Variants in ZNF704 observed in about 807,000 individuals in gnomAD.
ZNF704 encodes the protein zinc finger protein 704, also known as glucocorticoid induced gene 1.
Under a neutral mutation model 44.7 loss-of-function variants are expected in ZNF704, and 10 were observed. That is an observed-to-expected ratio of 0.22 (90% CI 0.14 to 0.38). ZNF704 has a LOEUF of 0.38. ZNF704 is among the 10% of genes least tolerant of loss of function. The pLI is 1.00. For synonymous variants in ZNF704, 211 were observed against 207.6 expected (o/e 1.02, Z -0.14); for missense variants, 390 against 545.5 (o/e 0.71, Z 2.84).
intron 1 of ZNF704, among the ~76,000 whole-genome samples, chr8:80,858,313 T>C (rs987305494): frequency 1.3e-5 from 2 of 152,236 alleles, no homozygotes; most frequent in East Asian, 3.8e-4. Context: ...TTAAAGGCTA[T>C]ACATTTCCCT....
At chr8:80,798,279 G>C (rs1419605117) in intron 2 of ZNF704, among the ~76,000 whole-genome samples, 1 of 150,328 alleles carries the variant, frequency 6.7e-6, no homozygotes, top group South Asian at 2.1e-4. Context: ...TTTTGAGATG[G>C]AGTTCTGCTC....
intron 2 of ZNF704, among the ~76,000 whole-genome samples, chr8:80,778,234 G>A (rs1807448666): frequency 6.6e-6 from 1 of 151,976 alleles, no homozygotes; most frequent in Non-Finnish European, 1.5e-5. Context: ...CATACATATG[G>A]CCAATAAGCA....
At chr8:80,801,780 A>T (rs529920217) in intron 2 of ZNF704, among the ~76,000 whole-genome samples, 1 of 152,286 alleles carries the variant, frequency 6.6e-6, no homozygotes, top group Admixed American at 6.5e-5. Context: ...AACCAAGAGC[A>T]AACAAACCCC....
chr8:80,805,113 G>A (rs1807967960), intron 2 of ZNF704, among the ~76,000 whole-genome samples: 1 of 152,102 alleles, frequency 6.6e-6, no homozygotes, highest in South Asian at 2.1e-4. Context: ...CAAGGACTAG[G>A]TACATAAAAC....
At chr8:80,819,717 A>G (rs1484216321) in intron 2 of ZNF704, among the ~76,000 whole-genome samples, 2 of 152,170 alleles carry the variant, frequency 1.3e-5, no homozygotes, top group Non-Finnish European at 2.9e-5. Context: ...AAATAACTTA[A>G]CATGTATTTA....
intron 7 of ZNF704, among the ~76,000 whole-genome samples, chr8:80,649,307 G>T (rs1427174315): frequency 1.3e-5 from 2 of 152,168 alleles, no homozygotes; most frequent in African/African-American, 4.8e-5. Flanking sequence ...GGAAGTGTCA[G>T]ATAGTGGGTG....
intron 1 of ZNF704, among the ~76,000 whole-genome samples, chr8:80,821,963 T>C (rs1375778927): frequency 6.6e-6 from 1 of 152,210 alleles, no homozygotes; most frequent in Non-Finnish European, 1.5e-5. Flanking sequence ...AACTCTTCAA[T>C]ATTTCAGTCT....
In ZNF704 at chr8:80,629,524, T is replaced by C. The variant is rs988881456; in HGVS notation, c.*11842A>G. ...CCACATTGTCAGATGAAGGAAAAGA[T>C]ATTTTTTCAGGCTGAGTAATGTAGT... On this transcript the variant is annotated 3_prime_UTR_variant, in exon 9 of 9. Coordinates refer to ENST00000327835, the MANE Select transcript of ZNF704 (RefSeq NM_001033723.3). 6.6e-6 allele frequency: 1 copy of C among 152,192 alleles called. No individual in the cohort carries two copies. The highest frequency in any genetic ancestry group is 2.4e-5 in the African/African-American group (1 of 41,446). The allele number at this position is 152,192 out of a possible 1,614,324, so 9.4% of individuals were successfully genotyped here. A position where few individuals can be genotyped will look rare whatever the true frequency, so the allele number is the denominator to read the frequency against.
At chr8:80,676,408 G>A (rs1367873475) in intron 4 of ZNF704, among the ~76,000 whole-genome samples, 2 of 152,172 alleles carry the variant, frequency 1.3e-5, no homozygotes, top group Non-Finnish European at 2.9e-5. Flanking sequence ...GGAGAGCAGC[G>A]CCAATACACA....
intron 2 of ZNF704, among the ~76,000 whole-genome samples, chr8:80,768,116 G>A (rs1312811737): frequency 6.6e-6 from 1 of 152,058 alleles, no homozygotes; most frequent in African/African-American, 2.4e-5. Context: ...AAGATAGTGT[G>A]AGGAGAAAAT....
At chr8:80,648,243 T>C (rs569197967) in intron 7 of ZNF704, among the ~76,000 whole-genome samples, 1 of 152,326 alleles carries the variant, frequency 6.6e-6, no homozygotes, top group African/African-American at 2.4e-5. Context: ...AACCACAACA[T>C]GGACCTCCTG....
At chr8:80,743,657 C>T (rs1486475163) in intron 2 of ZNF704, among the ~76,000 whole-genome samples, 1 of 152,190 alleles carries the variant, frequency 6.6e-6, no homozygotes, top group Admixed American at 6.5e-5. Flanking sequence ...AGTCTCCATT[C>T]CTTTCTCAGC....
chr8:80,866,283 TACAG>T (rs1448604554), intron 1 of ZNF704, among the ~76,000 whole-genome samples: 3 of 152,182 alleles, frequency 2.0e-5, no homozygotes, highest in Non-Finnish European at 2.9e-5. Context: ...CATACCTCTT[TACAG>T]ACAACTTGGC....
At position 80,836,947 on chromosome 8, in the gene ZNF704, AT is replaced by A. The variant is rs1292151635; in HGVS notation, c.-21-15333del. On this transcript the variant is annotated intron_variant, in intron 1 of 8. Transcript: ENST00000327835. ...TATTCGCTCCATGAAGATAACAGGC[AT>A]TTTTTTTTTTGCTTTGGATACTGAT... Among the ~76,000 whole-genome samples, 1,410 of 146,612 alleles carry A rather than the reference AT, an allele frequency of 9.6e-3. 20 individuals carry two copies. Among genetic ancestry groups the A allele is most frequent in the African/African-American group, 0.032 (1,300 of 40,328 alleles).
At position 80,634,853 on chromosome 8, in the gene ZNF704, G is replaced by A. The variant is rs192775663; in HGVS notation, c.*6513C>T. 111 of 152,304 alleles carry A rather than the reference G, an allele frequency of 7.3e-4. 1 individual carries two copies. The highest frequency in any genetic ancestry group is 2.3e-3 in the African/African-American group (94 of 41,562). The allele number at this position is 152,304 out of a possible 1,614,324, so 9.4% of individuals were successfully genotyped here. A position where few individuals can be genotyped will look rare whatever the true frequency, so the allele number is the denominator to read the frequency against. On this transcript the variant is annotated 3_prime_UTR_variant, in exon 9 of 9. Coordinates refer to ENST00000327835, the MANE Select transcript of ZNF704 (RefSeq NM_001033723.3). ...GACTCATTGGGTTCAAAACCGTACA[G>A]CAATAAAAACTTCTTGGGGACTTTA... is the stretch of plus-strand genomic sequence containing the variant.
chr8:80,692,309 T>C (rs1389711029), intron 3 of ZNF704, among the ~76,000 whole-genome samples: 3 of 152,248 alleles, frequency 2.0e-5, no homozygotes, highest in Admixed American at 6.5e-5. Flanking sequence ...AGCCTTAGTT[T>C]ACTCATCTGT....
chr8:80,793,003 T>C lies in ZNF704; in HGVS notation c.221+28371A>G, dbSNP rs557456832. Among the ~76,000 whole-genome samples the C allele has an allele frequency of 6.6e-5, 10 of 152,358 alleles. No individual in the cohort carries two copies. The East Asian group carries it at 1.7e-3, about 26-fold the overall frequency. On this transcript the variant is annotated intron_variant, in intron 2 of 8. Coordinates refer to ENST00000327835, the MANE Select transcript of ZNF704 (RefSeq NM_001033723.3). Reference sequence around the variant, plus strand: ...GTAATTTGTTCGCTACACAGCAATATATAACTAATTCAGTTAACCACAGTG... The same window carrying C: ...GTAATTTGTTCGCTACACAGCAATACATAACTAATTCAGTTAACCACAGTG...
chr8:80,747,659 G>T (rs1382535795), intron 2 of ZNF704, among the ~76,000 whole-genome samples: 1 of 152,018 alleles, frequency 6.6e-6, no homozygotes, highest in East Asian at 1.9e-4. Flanking sequence ...TATGATGAAA[G>T]CCACTCCAAC....
intron 7 of ZNF704, among the ~76,000 whole-genome samples, chr8:80,653,105 AC>A (rs1817950304): frequency 6.6e-6 from 1 of 152,238 alleles, no homozygotes; most frequent in Non-Finnish European, 1.5e-5. Context: ...AAGGCCTTCG[AC>A]AAAATTCAAC....
Sources: gnomAD v4.1 joint callset for allele counts (sites outside exome capture counted in the v4.1 genomes callset) on GRCh38, gnomAD v4.1.1 for gene constraint, MANE v1.5 for transcripts, NCBI Gene and HGNC (gene_info 2026-07-23, HGNC 2026-07-21) for gene names.